EYS: variants seen among roughly 807,000 people sequenced by gnomAD.
EYS encodes protein eyes shut homolog.
Under a neutral mutation model 282.1 loss-of-function variants are expected in EYS, and 250 were observed. The observed-to-expected ratio is 0.89, with a 90% CI of 0.80 to 0.98. The LOEUF (loss-of-function observed/expected upper bound fraction) is 0.98. Ranked by LOEUF, EYS falls within the 50% of genes least tolerant of loss-of-function variation. The pLI is 0.00. For missense variants in EYS, 4,016 were observed against 3,709.0 expected (o/e 1.08, Z -2.15); for synonymous variants, 1,355 against 1,282.9 (o/e 1.06, Z -1.20).
chr6:64,229,311 C>T (rs1282410816), intron 31 of EYS, among the ~76,000 whole-genome samples: 1 of 151,978 alleles, frequency 6.6e-6, no homozygotes, highest in African/African-American at 2.4e-5. Context: ...TTTTAAGACT[C>T]CACCTAGCAC....
chr6:64,510,990 G>A (rs1777373202), intron 26 of EYS, among the ~76,000 whole-genome samples: 1 of 151,932 alleles, frequency 6.6e-6, no homozygotes, highest in Non-Finnish European at 1.5e-5. Flanking sequence ...AGCTTCATCT[G>A]TTCTGTCCTT....
intron 12 of EYS, among the ~76,000 whole-genome samples, chr6:65,154,636 G>T (rs952575881): frequency 6.6e-6 from 1 of 151,542 alleles, no homozygotes; most frequent in African/African-American, 2.4e-5. Context: ...AGAAGAGCAG[G>T]AGAACTTTTA....
intron 31 of EYS, among the ~76,000 whole-genome samples, chr6:64,223,494 T>G (rs754406053): frequency 6.6e-6 from 1 of 152,016 alleles, no homozygotes; most frequent in Non-Finnish European, 1.5e-5. Flanking sequence ...GCAATTCAAC[T>G]TGGAATATAC....
At chr6:64,805,545 T>C (rs1379473134) in intron 22 of EYS, among the ~76,000 whole-genome samples, 1 of 151,760 alleles carries the variant, frequency 6.6e-6, no homozygotes, top group Non-Finnish European at 1.5e-5. Flanking sequence ...TCAAAATATA[T>C]TTTTATTTAT....
chr6:64,303,766 G>C (rs376601580), intron 30 of EYS, among the ~76,000 whole-genome samples: 1 of 148,108 alleles, frequency 6.8e-6, no homozygotes, highest in African/African-American at 2.5e-5. Flanking sequence ...GCGTGAACCC[G>C]GGAGGCGGAG....
chr6:65,078,815 T>G (rs1410410005), intron 12 of EYS, among the ~76,000 whole-genome samples: 1 of 151,924 alleles, frequency 6.6e-6, no homozygotes, highest in African/African-American at 2.4e-5. Context: ...GTTTTGATCA[T>G]GCAGGCAGAT....
At chr6:64,446,986 T>TG (rs71551588) in intron 26 of EYS, among the ~76,000 whole-genome samples, 1,613 of 138,618 alleles carry the variant, frequency 0.012, 11 homozygotes, top group Middle Eastern at 0.018. Context: ...TGTGTGTGTG[T>TG]GGGGGGGGGG....
At position 64,009,450 on chromosome 6, in the gene EYS, A is replaced by AT. The variant is rs34809101; in HGVS notation, c.6726-10268dup. 1.1e-4 allele frequency among the ~76,000 whole-genome samples: 17 copies of AT among 151,452 alleles called. No individual in the cohort carries two copies. In the South Asian group the frequency reaches 2.5e-3, roughly 22 times the overall value. On this transcript the variant is annotated intron_variant, in intron 33 of 42. Coordinates refer to ENST00000503581, the MANE Select transcript of EYS (RefSeq NM_001142800.2). ...AGGCACCCACCACCACGCAAGGCTA[A>AT]TTTTTTTGTATTTTCAGTAGAGATG...
chr6:64,977,590 G>A (rs1157547806), intron 14 of EYS, among the ~76,000 whole-genome samples: 2 of 150,864 alleles, frequency 1.3e-5, no homozygotes, highest in African/African-American at 4.9e-5. Context: ...ACTAAGCCTA[G>A]TGTGGAAGGC....
At chr6:65,111,965 G>A (rs908093164) in intron 12 of EYS, among the ~76,000 whole-genome samples, 5 of 152,006 alleles carry the variant, frequency 3.3e-5, no homozygotes, top group African/African-American at 1.2e-4. Context: ...TCAACTTGGA[G>A]CTTATTTGCT....
At chr6:64,388,559 T>A in intron 29 of EYS, 131 bp downstream of exon 29, 2 of 763,444 alleles carry the variant, frequency 2.6e-6, no homozygotes, top group Non-Finnish European at 3.9e-6. Context: ...ACTCAAAAAC[T>A]TTTTTGAAAC....
At chr6:65,065,063 C>T (rs1168633174) in intron 12 of EYS, among the ~76,000 whole-genome samples, 1 of 152,056 alleles carries the variant, frequency 6.6e-6, no homozygotes, top group Non-Finnish European at 1.5e-5. Context: ...ACCAGGAAAC[C>T]CCTAGGCCTC....
chr6:64,191,174 A>G (rs1765091879), intron 31 of EYS, among the ~76,000 whole-genome samples: 1 of 151,840 alleles, frequency 6.6e-6, no homozygotes, highest in Non-Finnish European at 1.5e-5. Flanking sequence ...TATGGTGTTA[A>G]AGTTCTTAAT....
At chr6:64,374,506 CTTAT>C (rs1772501840) in intron 29 of EYS, among the ~76,000 whole-genome samples, 1 of 152,154 alleles carries the variant, frequency 6.6e-6, no homozygotes, top group Non-Finnish European at 1.5e-5. Flanking sequence ...GGCACTCTCA[CTTAT>C]TCACCCTTTC....
chr6:64,010,772 G>C (rs187251337), intron 33 of EYS, among the ~76,000 whole-genome samples: 2 of 151,974 alleles, frequency 1.3e-5, no homozygotes, highest in South Asian at 4.1e-4. Flanking sequence ...CGGAATCTTC[G>C]CTAAAAGGTA....
intron 14 of EYS, among the ~76,000 whole-genome samples, chr6:64,996,498 T>C (rs180687631): frequency 8.3e-4 from 127 of 152,240 alleles, no homozygotes; most frequent in Non-Finnish European, 9.4e-4. Context: ...CAGCATAGTG[T>C]CACATGTCCA....
chr6:64,307,584 G>A (rs1223907780), intron 29 of EYS, among the ~76,000 whole-genome samples: 1 of 152,014 alleles, frequency 6.6e-6, no homozygotes, highest in Non-Finnish European at 1.5e-5. Flanking sequence ...TGCAGATTTA[G>A]GTCAAGAGAT....
chr6:65,345,371 C>G (rs1032788236), intron 9 of EYS, among the ~76,000 whole-genome samples: 14 of 151,672 alleles, frequency 9.2e-5, no homozygotes, highest in Admixed American at 1.3e-4. Context: ...TTAACTCAAA[C>G]AGGATTATGC....
chr6:63,973,148 T>G (rs1004414127), intron 35 of EYS, among the ~76,000 whole-genome samples: 1 of 152,166 alleles, frequency 6.6e-6, no homozygotes, highest in Admixed American at 6.5e-5. Flanking sequence ...TCCATAATGG[T>G]TGAAGTAATT....
Sources: allele counts gnomAD v4.1 joint callset (sites outside exome capture counted in the v4.1 genomes callset), GRCh38; gene constraint gnomAD v4.1.1; transcripts MANE v1.5; gene names NCBI Gene and HGNC (gene_info 2026-07-23, HGNC 2026-07-21).